The following SRGAP3 variants were observed in gnomAD, a reference collection of about 807,000 sequenced individuals.
SRGAP3 encodes the protein SLIT-ROBO Rho GTPase-activating protein 3.
In SRGAP3, 39 loss-of-function variants were observed where a neutral mutation model predicts 121.1. The ratio of observed to expected loss-of-function variants is 0.32; its 90% CI spans 0.25 to 0.42. The LOEUF (loss-of-function observed/expected upper bound fraction) is 0.42. Among genes scored for constraint, SRGAP3 ranks in the 10% least tolerant of loss-of-function variants. The probability of loss-of-function intolerance (pLI) is 1.00; values close to 1 mark genes in which losing one functional copy is unlikely to be tolerated. For missense variants in SRGAP3, 1,213 were observed against 1,470.6 expected, an observed-to-expected ratio of 0.82 and a Z score of 2.86; for synonymous variants, 601 against 570.0, an observed-to-expected ratio of 1.05 and a Z score of -0.77.
At chr3:9,303,095 A>ATTTG (rs35901747) in intron 3 of SRGAP3, among the ~76,000 whole-genome samples, 9,623 of 151,324 alleles carry the variant, frequency 0.064, 476 homozygotes, top group Admixed American at 0.16. Context: ...TTTCCTTTAC[A>ATTTG]TTTGTTTGTT....
At chr3:9,258,691 C>T (rs1237787270) in intron 3 of SRGAP3, among the ~76,000 whole-genome samples, 1 of 152,208 alleles carries the variant, frequency 6.6e-6, no homozygotes, top group Non-Finnish European at 1.5e-5. Context: ...ATACCAGGTG[C>T]TATCATTGCC....
chr3:9,222,429 A>T (rs1429904400), intron 1 of SRGAP3, among the ~76,000 whole-genome samples: 1 of 152,202 alleles, frequency 6.6e-6, no homozygotes, highest in Non-Finnish European at 1.5e-5. Flanking sequence ...TGGATTCCAC[A>T]AGACACCCTG....
Position 9,133,874 on chromosome 3 carries a change from G to A in SRGAP3, c.68-8957C>T, listed in dbSNP as rs552516005. 3.9e-5 allele frequency among the ~76,000 whole-genome samples: 6 copies of A among 152,320 alleles called. No homozygotes were observed. In the South Asian group the frequency reaches 6.2e-4, roughly 16 times the overall value. ...CCAAAATAGCCTTAGGTTTGGAGAC[G>A]GGGAGTGGTAGGGTTTTAAGTAAAA... On this transcript the variant is annotated intron_variant, in intron 1 of 21. Transcript: ENST00000383836.
chr3:9,155,055 G>C (rs1051876496), intron 1 of SRGAP3, among the ~76,000 whole-genome samples: 11 of 150,684 alleles, frequency 7.3e-5, no homozygotes, highest in Admixed American at 7.3e-4. Context: ...TTTTCTTCTA[G>C]ATGAAGTTGA....
At chr3:9,258,429 G>C (rs898785702) in intron 3 of SRGAP3, among the ~76,000 whole-genome samples, 1 of 152,144 alleles carries the variant, frequency 6.6e-6, no homozygotes, top group Non-Finnish European at 1.5e-5. Flanking sequence ...TTCCTAGGCT[G>C]TATTAACAAG....
chr3:9,340,748 A>T (rs1179610601), intron 1 of SRGAP3, among the ~76,000 whole-genome samples: 2 of 152,170 alleles, frequency 1.3e-5, no homozygotes, highest in African/African-American at 4.8e-5. Context: ...CCTGTGGAAG[A>T]GATGTTGGAC....
intron 1 of SRGAP3, among the ~76,000 whole-genome samples, chr3:9,137,130 C>T (rs1949693718): frequency 1.3e-5 from 2 of 152,134 alleles, no homozygotes; most frequent in East Asian, 3.8e-4. Context: ...AATGACATGC[C>T]TAATTTCATG....
chr3:9,350,234 C>T (rs988800405), intron 1 of SRGAP3, among the ~76,000 whole-genome samples: 7 of 152,108 alleles, frequency 4.6e-5, no homozygotes, highest in African/African-American at 1.7e-4. Context: ...CTTGTGTGTG[C>T]CAGGCACTTT....
chr3:9,148,787 C>T (rs905621840), intron 1 of SRGAP3, among the ~76,000 whole-genome samples: 4 of 152,208 alleles, frequency 2.6e-5, no homozygotes, highest in Admixed American at 2.6e-4. Flanking sequence ...TCTGGAAGAG[C>T]AATTCTGCTT....
At chr3:9,058,496 G>T in intron 6 of SRGAP3, 24 bp from the exon 7 acceptor site, 1 of 1,611,052 alleles carries the variant, frequency 6.2e-7, no homozygotes, top group African/African-American at 1.3e-5. Flanking sequence ...AACAACGGAA[G>T]GTTATGGGTG....
intron 3 of SRGAP3, among the ~76,000 whole-genome samples, chr3:9,086,857 A>G (rs1279172343): frequency 1.4e-5 from 2 of 138,380 alleles, no homozygotes; most frequent in African/African-American, 5.1e-5. Flanking sequence ...TACTATACAC[A>G]TATGTATATT....
chr3:8,994,897 T>A (rs542886212), intron 18 of SRGAP3, among the ~76,000 whole-genome samples: 1 of 152,228 alleles, frequency 6.6e-6, no homozygotes, highest in Non-Finnish European at 1.5e-5. Flanking sequence ...ACCCTTTTCC[T>A]CTTTGTCATT....
At chr3:9,238,549 A>T (rs1321004564) in intron 1 of SRGAP3, among the ~76,000 whole-genome samples, 2 of 152,216 alleles carry the variant, frequency 1.3e-5, no homozygotes, top group African/African-American at 4.8e-5. Flanking sequence ...AGAGTAAATC[A>T]GTAAAGCAAA....
intron 3 of SRGAP3, among the ~76,000 whole-genome samples, chr3:9,316,208 C>T (rs2125280366): frequency 6.6e-6 from 1 of 152,134 alleles, no homozygotes; most frequent in Admixed American, 6.5e-5. Flanking sequence ...ACCACCACAC[C>T]TGGCTAATTT....
At chr3:9,326,371 A>T (rs968031187) in intron 2 of SRGAP3, among the ~76,000 whole-genome samples, 4 of 151,934 alleles carry the variant, frequency 2.6e-5, no homozygotes, top group African/African-American at 4.8e-5. Flanking sequence ...AGGTACTCAA[A>T]TGTACCTAAA....
chr3:8,994,665 G>C, intron 18 of SRGAP3, 142 bp from the exon 19 acceptor site: 1 of 1,094,092 alleles, frequency 9.1e-7, no homozygotes. Context: ...TGGTGGGCTG[G>C]GGCTCAGGAC....
chr3:9,279,207 G>C (rs748578795), intron 3 of SRGAP3, among the ~76,000 whole-genome samples: 3 of 152,178 alleles, frequency 2.0e-5, no homozygotes, highest in Non-Finnish European at 4.4e-5. Context: ...TCATTGGCCT[G>C]GCTTGCATTA....
At chr3:9,139,586 T>G (rs534540174) in intron 1 of SRGAP3, among the ~76,000 whole-genome samples, 2 of 152,338 alleles carry the variant, frequency 1.3e-5, no homozygotes, top group South Asian at 4.1e-4. Flanking sequence ...GGCCACACCT[T>G]GATTTTGGAT....
intron 4 of SRGAP3, among the ~76,000 whole-genome samples, chr3:9,070,034 C>T (rs1283217017): frequency 6.6e-6 from 1 of 152,220 alleles, no homozygotes; most frequent in African/African-American, 2.4e-5. Context: ...GACTGCAGGC[C>T]AGGTCTGTTT....
Sources: gnomAD v4.1 joint callset for allele counts (sites outside exome capture counted in the v4.1 genomes callset) on GRCh38, gnomAD v4.1.1 for gene constraint, MANE v1.5 for transcripts, NCBI Gene and HGNC (gene_info 2026-07-23, HGNC 2026-07-21) for gene names.